ERC1: variants seen among roughly 807,000 people sequenced by gnomAD.
ERC1 encodes RAB6 interacting protein 2.
In ERC1, 56 loss-of-function variants were observed where a neutral mutation model predicts 132.0. The observed-to-expected ratio is 0.42, with a 90% CI of 0.34 to 0.53. The LOEUF (loss-of-function observed/expected upper bound fraction) is 0.53, where lower values mean the gene tolerates loss of function less well. ERC1 is among the 20% of genes least tolerant of loss of function. The pLI, the probability that ERC1 is intolerant of heterozygous loss-of-function variation, is 0.03. For missense variants in ERC1, 1,202 were observed against 1,349.9 expected, an observed-to-expected ratio of 0.89 and a Z score of 1.72; for synonymous variants, 478 against 476.1, an observed-to-expected ratio of 1.00 and a Z score of -0.05.
intron 16 of ERC1, among the ~76,000 whole-genome samples, chr12:1,395,980 T>C (rs927747463): frequency 2.6e-5 from 4 of 152,028 alleles, no homozygotes; most frequent in Admixed American, 1.3e-4. Flanking sequence ...TGAATATCCA[T>C]AATCAACAAT....
intron 2 of ERC1, among the ~76,000 whole-genome samples, chr12:1,038,039 C>T (rs55805105): frequency 2.0e-5 from 3 of 149,278 alleles, no homozygotes; most frequent in South Asian, 2.1e-4. Flanking sequence ...AGCAAGACTC[C>T]GTCTCAAAAA....
chr12:1,074,125 G>C (rs976247310), intron 2 of ERC1, among the ~76,000 whole-genome samples: 1 of 152,012 alleles, frequency 6.6e-6, no homozygotes, highest in Admixed American at 6.6e-5. Flanking sequence ...GCCTTCCAAA[G>C]TGCTGGGATT....
At chr12:1,196,895 TCTGTCTCTCTACACACACACACACACAC>T (rs1175656847) in intron 12 of ERC1, among the ~76,000 whole-genome samples, 8 of 142,580 alleles carry the variant, frequency 5.6e-5, no homozygotes, top group Non-Finnish European at 7.6e-5. Flanking sequence ...TCTGTCTCTC[TCTGTCTCTCTACACACACACACACACAC>T]ACACACACAC....
At chr12:1,485,417 C>T (rs184586146) in intron 18 of ERC1, among the ~76,000 whole-genome samples, 2 of 151,846 alleles carry the variant, frequency 1.3e-5, no homozygotes, top group Non-Finnish European at 2.9e-5. Flanking sequence ...ATTGGCCAGG[C>T]TGGTCTTGAA....
rs534232079 is a variant in ERC1 at position 1,019,466 on chromosome 12, A to G, written c.-156-8282A>G. ...GTGAGAATACACAAGCACACATTCCATTAGCTGTCAGTGGGATATTATCAC... is the reference window on the plus strand; with the variant it reads ...GTGAGAATACACAAGCACACATTCCGTTAGCTGTCAGTGGGATATTATCAC... On this transcript the variant is annotated intron_variant, in intron 1 of 18. Coordinates refer to ENST00000360905, the MANE Select transcript of ERC1 (RefSeq NM_178040.4). Among the ~76,000 whole-genome samples the G allele has an allele frequency of 3.9e-5, 6 of 152,338 alleles. No individual in the cohort carries two copies. In the South Asian group the frequency reaches 1.0e-3, roughly 26 times the overall value.
At chr12:1,488,007 A>G (rs991984538) in intron 18 of ERC1, among the ~76,000 whole-genome samples, 2 of 151,962 alleles carry the variant, frequency 1.3e-5, no homozygotes, top group Non-Finnish European at 2.9e-5. Context: ...GCGTGGTAGC[A>G]GGCGCCTGTA....
chr12:1,432,356 C>T (rs1485113998), intron 17 of ERC1, among the ~76,000 whole-genome samples: 2 of 152,228 alleles, frequency 1.3e-5, no homozygotes, highest in African/African-American at 4.8e-5. Context: ...GAATTTGGTT[C>T]ATGGACTGTA....
At chr12:1,034,044 A>G (rs757373678) in intron 2 of ERC1, among the ~76,000 whole-genome samples, 3 of 152,270 alleles carry the variant, frequency 2.0e-5, no homozygotes, top group East Asian at 1.9e-4. Flanking sequence ...TGGAAACTGT[A>G]TCTGTATTTT....
chr12:1,354,376 A>G lies in ERC1; in HGVS notation c.2781-17457A>G, dbSNP rs560391726. On this transcript the variant is annotated intron_variant, in intron 15 of 18. Coordinates refer to ENST00000360905, the MANE Select transcript of ERC1 (RefSeq NM_178040.4). ...CCTGTCTACTAAAATTAGAAAAACC[A>G]GCTGGGCATGGTGGCAGGCACCTGT... Among the ~76,000 whole-genome samples the G allele has an allele frequency of 8.5e-4, 129 of 152,142 alleles. 2 individuals carry two copies. The highest frequency in any genetic ancestry group is 3.4e-3 in the Middle Eastern group (1 of 294).
intron 13 of ERC1, among the ~76,000 whole-genome samples, chr12:1,257,455 G>A (rs2076884661): frequency 6.6e-6 from 1 of 152,162 alleles, no homozygotes; most frequent in Non-Finnish European, 1.5e-5. Context: ...TATATTTTTA[G>A]TATTAAGGTG....
intron 12 of ERC1, among the ~76,000 whole-genome samples, chr12:1,220,989 CT>C (rs1251090904): frequency 6.6e-6 from 1 of 152,186 alleles, no homozygotes; most frequent in Non-Finnish European, 1.5e-5. Flanking sequence ...TTCCTGAGCA[CT>C]TAATTTAAAT....
chr12:1,471,909 C>G (rs532385975), intron 18 of ERC1, among the ~76,000 whole-genome samples: 1 of 152,306 alleles, frequency 6.6e-6, no homozygotes, highest in South Asian at 2.1e-4. Flanking sequence ...GTGATAGATA[C>G]ATATTAAGTT....
intron 7 of ERC1, among the ~76,000 whole-genome samples, chr12:1,119,023 A>C (rs1421617824): frequency 6.6e-6 from 1 of 152,076 alleles, no homozygotes; most frequent in Non-Finnish European, 1.5e-5. Context: ...ACTTATAGGC[A>C]TGTGCCACCA....
intron 12 of ERC1, among the ~76,000 whole-genome samples, chr12:1,203,588 A>G (rs1165584993): frequency 6.6e-6 from 1 of 152,258 alleles, no homozygotes; most frequent in East Asian, 1.9e-4. Flanking sequence ...TGGTGCTTGC[A>G]TTCAAGAAAT....
intron 1 of ERC1, among the ~76,000 whole-genome samples, chr12:1,021,342 G>C (rs565773732): frequency 2.6e-5 from 4 of 152,044 alleles, no homozygotes; most frequent in African/African-American, 9.7e-5. Context: ...TGTTTGCAGC[G>C]GGCCACTTTG....
At chr12:1,441,157 C>A (rs1374020692) in intron 17 of ERC1, among the ~76,000 whole-genome samples, 1 of 151,980 alleles carries the variant, frequency 6.6e-6, no homozygotes, top group Non-Finnish European at 1.5e-5. Flanking sequence ...TTTTCAGGTT[C>A]AAGCAATTCT....
intron 8 of ERC1, among the ~76,000 whole-genome samples, chr12:1,171,356 CTTT>C (rs57007848): frequency 8.8e-4 from 77 of 87,292 alleles, no homozygotes; most frequent in Middle Eastern, 7.8e-3. Flanking sequence ...GCAAAACATT[CTTT>C]TTTTTTTTTT....
At chr12:1,352,924 A>G (rs557892044) in intron 15 of ERC1, among the ~76,000 whole-genome samples, 1 of 152,258 alleles carries the variant, frequency 6.6e-6, no homozygotes, top group Admixed American at 6.5e-5. Flanking sequence ...GCTTTTAAAA[A>G]TATAGATGAG....
intron 7 of ERC1, among the ~76,000 whole-genome samples, chr12:1,137,095 C>CTTTTTTTTTTTT (rs1949321751): frequency 7.4e-6 from 1 of 134,740 alleles, no homozygotes; most frequent in South Asian, 2.4e-4. Context: ...TTCTTTTTTT[C>CTTTTTTTTTTTT]TTTTCTTTTT....
Sources: gnomAD v4.1 joint callset for allele counts (sites outside exome capture counted in the v4.1 genomes callset) on GRCh38, gnomAD v4.1.1 for gene constraint, MANE v1.5 for transcripts, NCBI Gene and HGNC (gene_info 2026-07-23, HGNC 2026-07-21) for gene names.